VPS13B: variants seen among roughly 807,000 people sequenced by gnomAD.
The protein encoded by VPS13B is intermembrane lipid transfer protein VPS13B.
In VPS13B, 285 loss-of-function variants were observed where a neutral mutation model predicts 426.4. That is an observed-to-expected ratio of 0.67 (90% CI 0.61 to 0.74). The LOEUF (loss-of-function observed/expected upper bound fraction) is 0.74, where lower values mean the gene tolerates loss of function less well. VPS13B is among the 30% of genes least tolerant of loss of function. VPS13B has a pLI of 0.00. For synonymous variants in VPS13B, 1,676 were observed against 1,676.4 expected (o/e 1.00, Z 0.01); for missense variants, 4,537 against 4,782.6 (o/e 0.95, Z 1.51).
intron 39 of VPS13B, among the ~76,000 whole-genome samples, chr8:99,737,106 CTTTTTTTTTTTTTTTTT>C (rs386413466): frequency 4.1e-4 from 18 of 44,360 alleles, no homozygotes; most frequent in African/African-American, 1.5e-3. Context: ...AGATGTCCTT[CTTTTTTTTTTTTTTTTT>C]TTTTTTTTTT....
intron 19 of VPS13B, among the ~76,000 whole-genome samples, chr8:99,370,963 T>G (rs2133260814): frequency 6.6e-6 from 1 of 152,266 alleles, no homozygotes; most frequent in Non-Finnish European, 1.5e-5. Flanking sequence ...TTTTGGAATA[T>G]TAAAATATGG....
Position 99,087,439 on chromosome 8 carries a change from C to T in VPS13B, c.292-8873C>T, listed in dbSNP as rs115612620. ...CAGTGCCTCACCCTGCTTCGGCCCACGCTTGGTACGCTGCACCCACTGTCC... is the reference window on the plus strand; with the variant it reads ...CAGTGCCTCACCCTGCTTCGGCCCATGCTTGGTACGCTGCACCCACTGTCC... On this transcript the variant is annotated intron_variant, in intron 3 of 61. Transcript: ENST00000357162. 5.6e-3 allele frequency among the ~76,000 whole-genome samples: 855 copies of T among 152,158 alleles called. 8 individuals carry two copies. The highest frequency in any genetic ancestry group is 0.02 in the African/African-American group (815 of 41,508).
intron 23 of VPS13B, among the ~76,000 whole-genome samples, chr8:99,457,900 C>A: frequency 6.6e-6 from 1 of 151,872 alleles, no homozygotes; most frequent in South Asian, 2.1e-4. Context: ...TCATAGATTT[C>A]TTTTTGTTGC....
chr8:99,422,005 G>A lies in VPS13B; in HGVS notation c.3083-9532G>A, dbSNP rs147115053. On this transcript the variant is annotated intron_variant, in intron 21 of 61. Transcript: ENST00000357162. ...ACAAACAGGTTAATAAATTTGTAAA[G>A]CACTTGCAGCAGTGCCTGGCTTGTA... Among the ~76,000 whole-genome samples the A allele has an allele frequency of 4.8e-3, 727 of 152,238 alleles. 3 individuals carry two copies. Among genetic ancestry groups the A allele is most frequent in the African/African-American group, 0.016 (671 of 41,550 alleles).
intron 19 of VPS13B, among the ~76,000 whole-genome samples, chr8:99,314,127 A>C (rs941003070): frequency 2.0e-5 from 3 of 152,034 alleles, no homozygotes; most frequent in Non-Finnish European, 4.4e-5. Flanking sequence ...TGGTGAGGCG[A>C]TGCCTTGCCC....
At chr8:99,558,530 G>A (rs1824711625) in intron 31 of VPS13B, among the ~76,000 whole-genome samples, 1 of 152,040 alleles carries the variant, frequency 6.6e-6, no homozygotes, top group Admixed American at 6.6e-5. Context: ...ATTTACGTTA[G>A]GTATTTCTCC....
chr8:99,294,854 G>C (rs1819944238), intron 19 of VPS13B, among the ~76,000 whole-genome samples: 2 of 152,130 alleles, frequency 1.3e-5, no homozygotes, highest in Admixed American at 6.6e-5. Context: ...TATTATTGCT[G>C]TTCTCACAAA....
intron 20 of VPS13B, 150 bp from the exon 21 acceptor site, chr8:99,391,407 A>G (rs1351582239): frequency 8.2e-7 from 1 of 1,223,684 alleles, no homozygotes; most frequent in African/African-American, 1.5e-5. Context: ...GGGACAGATG[A>G]GGGAGGGAGA....
chr8:99,255,907 C>G (rs766310301), intron 17 of VPS13B, among the ~76,000 whole-genome samples: 3 of 152,298 alleles, frequency 2.0e-5, no homozygotes, highest in Middle Eastern at 3.4e-3. Flanking sequence ...TTAGCCTAGT[C>G]TTATTCTACC....
intron 3 of VPS13B, among the ~76,000 whole-genome samples, chr8:99,075,067 G>T (rs896003748): frequency 1.3e-5 from 2 of 152,060 alleles, no homozygotes; most frequent in African/African-American, 4.8e-5. Flanking sequence ...GTTCTTCCTT[G>T]TAAGCTTGAT....
chr8:99,793,053 A>AAG (rs1554959410), intron 43 of VPS13B, among the ~76,000 whole-genome samples: 6 of 150,476 alleles, frequency 4.0e-5, no homozygotes, highest in African/African-American at 1.5e-4. Context: ...AAAAAAAAAA[A>AAG]AAAAATTAGG....
chr8:99,798,244 G>A (rs1588720212), intron 43 of VPS13B, among the ~76,000 whole-genome samples: 2 of 147,358 alleles, frequency 1.4e-5, no homozygotes, highest in South Asian at 2.2e-4. Flanking sequence ...AAAAAAAAAA[G>A]GTAGTCTGTA....
intron 22 of VPS13B, among the ~76,000 whole-genome samples, chr8:99,439,405 C>G (rs1817568972): frequency 6.6e-6 from 1 of 152,038 alleles, no homozygotes; most frequent in Non-Finnish European, 1.5e-5. Context: ...AGGGCTGGCA[C>G]TATGTCTTTT....
chr8:99,861,832 C>T lies in VPS13B; in HGVS notation c.11101C>T (p.Leu3701Phe). ...AAGCCTGGCCCGGAACATGGACCGG[C>T]TCTCACTGGATGAGGAGCACTACAA... Reference protein sequence around the residue: ...ATSLARNMDRLSLDEEHYNRQ... With the variant: ...ATSLARNMDRFSLDEEHYNRQ... The change falls in exon 58 of 62, where the codon CTC (leucine) becomes TTC (phenylalanine). Residue 3701 changes from leucine to phenylalanine, a missense_variant. By Grantham distance (22) the Leu-to-Phe change is conservative. Transcript: ENST00000357162. 1 of 1,599,612 alleles carries T rather than the reference C, an allele frequency of 6.3e-7. No individual in the cohort carries two copies. Among genetic ancestry groups the T allele is most frequent in the Non-Finnish European group, 8.5e-7 (1 of 1,173,584 alleles).
At chr8:99,518,514 T>C (rs1036402831) in intron 29 of VPS13B, among the ~76,000 whole-genome samples, 2 of 152,182 alleles carry the variant, frequency 1.3e-5, no homozygotes, top group Non-Finnish European at 2.9e-5. Flanking sequence ...GTGACATCCG[T>C]ATGCTAATAT....
At chr8:99,084,456 A>G (rs1395256280) in intron 3 of VPS13B, among the ~76,000 whole-genome samples, 2 of 151,832 alleles carry the variant, frequency 1.3e-5, no homozygotes, top group African/African-American at 4.8e-5. Flanking sequence ...TGTTTCCTTC[A>G]GTTCTGCTCT....
intron 3 of VPS13B, among the ~76,000 whole-genome samples, chr8:99,073,435 A>G (rs2132340399): frequency 6.6e-6 from 1 of 151,850 alleles, no homozygotes; most frequent in South Asian, 2.1e-4. Flanking sequence ...TTGTAGAGTT[A>G]TTTTTTACCT....
At chr8:99,352,693 G>A (rs1263430391) in intron 19 of VPS13B, among the ~76,000 whole-genome samples, 10 of 151,756 alleles carry the variant, frequency 6.6e-5, no homozygotes, top group African/African-American at 9.7e-5. Flanking sequence ...ACATGGTAGC[G>A]GGCGCCTCTA....
intron 2 of VPS13B, among the ~76,000 whole-genome samples, chr8:99,025,025 TA>T: frequency 6.6e-6 from 1 of 152,304 alleles, no homozygotes; most frequent in Non-Finnish European, 1.5e-5. Context: ...AAATTTATTC[TA>T]AGGTATTTTA....
Sources: gnomAD v4.1 joint callset for allele counts (sites outside exome capture counted in the v4.1 genomes callset) on GRCh38, gnomAD v4.1.1 for gene constraint, MANE v1.5 for transcripts, NCBI Gene and HGNC (gene_info 2026-07-23, HGNC 2026-07-21) for gene names.